Variants in ABCC1 observed in about 807,000 individuals in gnomAD.
The protein encoded by ABCC1 is multidrug resistance-associated protein 1.
Under a neutral mutation model 172.9 loss-of-function variants are expected in ABCC1, and 83 were observed. That is an observed-to-expected ratio of 0.48 (90% confidence interval 0.40 to 0.58). The LOEUF is 0.58. Among genes scored for constraint, ABCC1 ranks in the 20% least tolerant of loss-of-function variants. The pLI, the probability that ABCC1 is intolerant of heterozygous loss-of-function variation, is 0.00. For synonymous variants in ABCC1, 937 were observed against 825.2 expected (o/e 1.14, Z -2.32); for missense variants, 1,817 against 2,002.7 (o/e 0.91, Z 1.77).
At chr16:16,131,751 T>C (rs2045681260) in intron 26 of ABCC1, 38 bp from the exon 27 acceptor site, 2 of 1,603,924 alleles carry the variant, frequency 1.2e-6, no homozygotes, top group Non-Finnish European at 1.7e-6. Flanking sequence ...CCAGATGGAC[T>C]GGAAATTCCT....
chr16:16,035,038 T>C (rs2048703609), intron 6 of ABCC1, among the ~76,000 whole-genome samples: 1 of 152,212 alleles, frequency 6.6e-6, no homozygotes, highest in African/African-American at 2.4e-5. Context: ...TAGTATGATT[T>C]GAGTAATTTT....
At chr16:16,054,933 A>G (rs2049586447) in intron 11 of ABCC1, among the ~76,000 whole-genome samples, 1 of 152,176 alleles carries the variant, frequency 6.6e-6, no homozygotes, top group African/African-American at 2.4e-5. Context: ...ACATTTCACT[A>G]TTTTAACAAC....
At chr16:16,136,000 C>T (rs2045899891) in intron 28 of ABCC1, among the ~76,000 whole-genome samples, 1 of 134,596 alleles carries the variant, frequency 7.4e-6, no homozygotes, top group African/African-American at 2.7e-5. Flanking sequence ...CTGCCAAACT[C>T]AGACTTTCCA....
intron 1 of ABCC1, among the ~76,000 whole-genome samples, chr16:15,959,409 T>C (rs569195875): frequency 3.3e-5 from 5 of 152,272 alleles, no homozygotes; most frequent in East Asian, 3.9e-4. Context: ...CACTGCAGCC[T>C]CGACCTCCTG....
At chr16:15,955,987 C>T (rs926341525) in intron 1 of ABCC1, among the ~76,000 whole-genome samples, 1 of 152,120 alleles carries the variant, frequency 6.6e-6, no homozygotes, top group Admixed American at 6.5e-5. Context: ...GTGGCTTACA[C>T]CTGTAATCTC....
intron 1 of ABCC1, among the ~76,000 whole-genome samples, chr16:15,960,559 G>T (rs2046104229): frequency 6.6e-6 from 1 of 152,162 alleles, no homozygotes. Context: ...GAGGGTGACG[G>T]AAATGATTTC....
At chr16:16,005,440 T>C (rs4780586) in intron 1 of ABCC1, among the ~76,000 whole-genome samples, 75,179 of 151,170 alleles carry the variant, frequency 0.5, 19,553 homozygotes, top group Non-Finnish European at 0.59. Flanking sequence ...CTCCGCCTCC[T>C]GGGTTCAAGT....
intron 1 of ABCC1, among the ~76,000 whole-genome samples, chr16:15,982,534 G>A (rs370778097): frequency 2.0e-5 from 3 of 151,526 alleles, no homozygotes; most frequent in South Asian, 4.2e-4. Context: ...CCACCCCCAT[G>A]ATTCAGTTAC....
intron 1 of ABCC1, among the ~76,000 whole-genome samples, chr16:15,968,709 G>A (rs779131556): frequency 6.6e-6 from 1 of 151,996 alleles, no homozygotes; most frequent in Non-Finnish European, 1.5e-5. Context: ...GAACAAGAAC[G>A]GGATTCTACA....
chr16:16,043,222 G>GTTTTTTTTTTTTTTTTTTTTTTTTT (rs147161637), intron 7 of ABCC1, among the ~76,000 whole-genome samples: 1 of 89,502 alleles, frequency 1.1e-5, no homozygotes, highest in African/African-American at 5.1e-5. Flanking sequence ...TGGCTGGACT[G>GTTTTTTTTTTTTTTTTTTTTTTTTT]TTTTTTTTTT....
chr16:16,053,567 C>T (rs187601728), intron 11 of ABCC1, among the ~76,000 whole-genome samples: 5 of 151,854 alleles, frequency 3.3e-5, no homozygotes, highest in African/African-American at 4.8e-5. Context: ...GTGGGTGGAT[C>T]GCCTGAGCTT....
chr16:16,035,695 A>G (rs2048727298), intron 6 of ABCC1, among the ~76,000 whole-genome samples: 2 of 150,984 alleles, frequency 1.3e-5, no homozygotes, highest in African/African-American at 2.4e-5. Context: ...TAGTCTCCCT[A>G]TGTTGTCCAG....
In ABCC1 at chr16:16,131,784, C is replaced by G. The variant is rs200786612; in HGVS notation, c.3820-5C>G. The G allele has an allele frequency of 9.3e-6, 15 of 1,612,590 alleles. No individual in the cohort carries two copies. The African/African-American group carries it at 1.5e-4, about 16-fold the overall frequency. On this transcript the variant is annotated splice_polypyrimidine_tract_variant and splice_region_variant and intron_variant, in intron 26 of 30. Transcript: ENST00000399410. ...CCTTACTCTCTCCCTTCACTGCGAT[C>G]GAAGGCGCCCTGGCAAATCCAGGAG...
At chr16:15,972,145 A>G (rs1376386682) in intron 1 of ABCC1, among the ~76,000 whole-genome samples, 1 of 152,162 alleles carries the variant, frequency 6.6e-6, no homozygotes, top group Middle Eastern at 3.2e-3. Context: ...ACACAGTTAA[A>G]CATGCGCAGG....
At chr16:15,983,918 G>A (rs756625185) in intron 1 of ABCC1, among the ~76,000 whole-genome samples, 1 of 152,176 alleles carries the variant, frequency 6.6e-6, no homozygotes, top group South Asian at 2.1e-4. Context: ...TATTGCTACT[G>A]TTCTGTTTCT....
In ABCC1 at chr16:16,142,301, G is replaced by A. The variant is rs1415119156; in HGVS notation, c.*1020G>A. ...TGTTAGGGGCCTGGCCCAAAGCAGT[G>A]TTGGTTGCTTACAGTGTTGATTGAT... On this transcript the variant is annotated 3_prime_UTR_variant, in exon 31 of 31. Transcript: ENST00000399410. 6.6e-6 allele frequency: 1 copy of A among 152,218 alleles called. No individual in the cohort carries two copies. Among genetic ancestry groups the A allele is most frequent in the East Asian group, 1.9e-4 (1 of 5,196 alleles). 9.4% of individuals were successfully genotyped at this position (152,218 alleles called of 1,614,324 possible). A position where few individuals can be genotyped will look rare whatever the true frequency, so the allele number is the denominator to read the frequency against.
intron 1 of ABCC1, among the ~76,000 whole-genome samples, chr16:15,987,784 C>T (rs142644702): frequency 8.5e-4 from 130 of 152,326 alleles, no homozygotes; most frequent in African/African-American, 2.7e-3. Context: ...CTTCCTTCCT[C>T]GCTGTCTTCA....
intron 7 of ABCC1, among the ~76,000 whole-genome samples, chr16:16,042,930 C>G (rs2049033528): frequency 6.6e-6 from 1 of 151,974 alleles, no homozygotes. Context: ...ACAACCTCGG[C>G]TCATTGCAAC....
At chr16:15,949,969 C>T (rs560199163) in intron 1 of ABCC1, among the ~76,000 whole-genome samples, 170 bp downstream of exon 1, 62 of 152,152 alleles carry the variant, frequency 4.1e-4, no homozygotes, top group Middle Eastern at 3.4e-3. Context: ...GGGTGCAAGG[C>T]ATGGGGGAAA....
Sources: gnomAD v4.1 joint callset for allele counts (sites outside exome capture counted in the v4.1 genomes callset) on GRCh38, gnomAD v4.1.1 for gene constraint, MANE v1.5 for transcripts, NCBI Gene and HGNC (gene_info 2026-07-23, HGNC 2026-07-21) for gene names.